Variants in CACNB2 observed in about 807,000 individuals in gnomAD.
CACNB2 encodes voltage-dependent L-type calcium channel subunit beta-2.
In CACNB2, 42 loss-of-function variants were observed where a neutral mutation model predicts 73.3. The ratio of observed to expected loss-of-function variants is 0.57; its 90% CI spans 0.45 to 0.74. The LOEUF (loss-of-function observed/expected upper bound fraction) is 0.74. CACNB2 is among the 30% of genes least tolerant of loss of function. CACNB2 has a pLI of 0.00. For missense variants in CACNB2, 940 were observed against 853.0 expected (o/e 1.10, Z -1.27); for synonymous variants, 348 against 310.3 (o/e 1.12, Z -1.28).
intron 2 of CACNB2, among the ~76,000 whole-genome samples, chr10:18,218,314 C>T (rs1391266636): frequency 6.6e-6 from 1 of 150,794 alleles, no homozygotes; most frequent in Non-Finnish European, 1.5e-5. Context: ...TTAAGTCAGA[C>T]AGACGAACTG....
rs555551884 is a variant in CACNB2, at chr10:18,473,981, C to T, written c.334-24374C>T. Among the ~76,000 whole-genome samples the T allele has an allele frequency of 1.2e-4, 18 of 152,226 alleles. 1 individual carries two copies. In the South Asian group the frequency reaches 3.1e-3, roughly 26 times the overall value. ...AGTGAGACACAAAATTGCTGGGCTT[C>T]CGTTTTTCATTTTAAAATGCGAGGG... On this transcript the variant is annotated intron_variant, in intron 3 of 13. Transcript: ENST00000324631.
chr10:18,307,638 A>G (rs2039785749), intron 2 of CACNB2, among the ~76,000 whole-genome samples: 2 of 152,196 alleles, frequency 1.3e-5, no homozygotes, highest in Non-Finnish European at 2.9e-5. Flanking sequence ...TGTCCAATAA[A>G]TATTTGTTGC....
intron 2 of CACNB2, among the ~76,000 whole-genome samples, chr10:18,334,744 AG>A (rs920614018): frequency 5.9e-5 from 9 of 152,132 alleles, no homozygotes; most frequent in African/African-American, 1.7e-4. Context: ...ATGTCCCCTG[AG>A]GGGTCAAAAT....
Position 18,539,237 on chromosome 10 carries a change from A to G in CACNB2, c.1496A>G (p.Gln499Arg), listed in dbSNP as rs1185344074. 1 of 1,613,890 alleles carries G rather than the reference A, an allele frequency of 6.2e-7. No homozygotes were observed. Among genetic ancestry groups the G allele is most frequent in the Admixed American group, 1.7e-5 (1 of 59,980 alleles). Reference protein sequence around the residue: ...PTLASNSQGSQGDQRTDRSAP... With the variant: ...PTLASNSQGSRGDQRTDRSAP... Reference sequence around the variant, plus strand: ...TGCTCCTTTCGCTGCCAGGGTTCTCAAGGTGATCAGAGGACTGATCGCTCC... The same window carrying G: ...TGCTCCTTTCGCTGCCAGGGTTCTCGAGGTGATCAGAGGACTGATCGCTCC... Residue 499 changes from glutamine to arginine, a missense_variant, in exon 14 of 14, where the codon CAA (glutamine) becomes CGA (arginine). Physicochemically the swap from Gln to Arg is conservative, Grantham distance 43 (BLOSUM62 1). Coordinates refer to ENST00000324631, the MANE Select transcript of CACNB2 (RefSeq NM_201596.3).
At chr10:18,331,808 C>T (rs185003017) in intron 2 of CACNB2, among the ~76,000 whole-genome samples, 23 of 152,314 alleles carry the variant, frequency 1.5e-4, no homozygotes, top group Admixed American at 8.5e-4. Flanking sequence ...CTTCACTGTA[C>T]TGAATGAACT....
At chr10:18,169,521 C>T (rs142661355) in intron 2 of CACNB2, among the ~76,000 whole-genome samples, 15 of 152,174 alleles carry the variant, frequency 9.9e-5, no homozygotes, top group African/African-American at 3.4e-4. Flanking sequence ...CATAATTGTA[C>T]GGGAAAAATA....
At chr10:18,157,429 C>G (rs1026495506) in intron 2 of CACNB2, among the ~76,000 whole-genome samples, 2 of 152,102 alleles carry the variant, frequency 1.3e-5, no homozygotes, top group Non-Finnish European at 2.9e-5. Context: ...TGAGTTATCA[C>G]TTGTAATTTG....
intron 2 of CACNB2, among the ~76,000 whole-genome samples, chr10:18,197,538 G>C (rs2034680258): frequency 6.6e-6 from 1 of 152,154 alleles, no homozygotes; most frequent in Admixed American, 6.5e-5. Flanking sequence ...GATGGTTATA[G>C]GATTTCAGAT....
At chr10:18,439,726 T>C (rs2046319729) in intron 3 of CACNB2, among the ~76,000 whole-genome samples, 1 of 152,176 alleles carries the variant, frequency 6.6e-6, no homozygotes, top group Non-Finnish European at 1.5e-5. Flanking sequence ...CAGCTTCTAA[T>C]AGCTTCTCTG....
At chr10:18,474,941 TCCAGGTTATC>T (rs1421460975) in intron 3 of CACNB2, among the ~76,000 whole-genome samples, 1 of 151,484 alleles carries the variant, frequency 6.6e-6, no homozygotes, top group Non-Finnish European at 1.5e-5. Context: ...GTGATGAGTC[TCCAGGTTATC>T]CTCAACTTCT....
chr10:18,165,624 T>A (rs553114891), intron 2 of CACNB2, among the ~76,000 whole-genome samples: 1 of 152,320 alleles, frequency 6.6e-6, no homozygotes, highest in African/African-American at 2.4e-5. Context: ...GTTGGCCAGG[T>A]ACAGGTAGTA....
intron 3 of CACNB2, among the ~76,000 whole-genome samples, chr10:18,464,561 C>T (rs1215835380): frequency 1.3e-5 from 2 of 152,090 alleles, no homozygotes; most frequent in South Asian, 4.1e-4. Context: ...GATTGCCCAC[C>T]TCTACCACCC....
rs748150871 is a variant in CACNB2 at position 18,401,941 on chromosome 10, C to A, written c.231C>A (p.Tyr77Ter). 6.2e-7 allele frequency: 1 copy of A among 1,614,028 alleles called. No individual in the cohort carries two copies. The highest frequency in any genetic ancestry group is 1.7e-5 in the Admixed American group (1 of 60,026). ...SFVRQGSADS[Y>*]TSRPSDSDVS... ...CTCTCCAGGGTTCGGCAGACTCCTA[C>A]ACTAGCCGTCCATCCGATTCCGATG... Residue 77 changes from tyrosine to a stop codon, truncating the protein, a stop_gained, in exon 3 of 14, where the codon TAC becomes TAA. Coordinates refer to ENST00000324631, the MANE Select transcript of CACNB2 (RefSeq NM_201596.3). LOFTEE classifies it high-confidence loss of function.
intron 2 of CACNB2, among the ~76,000 whole-genome samples, chr10:18,388,695 G>A (rs1301102519): frequency 6.6e-6 from 1 of 152,102 alleles, no homozygotes; most frequent in Non-Finnish European, 1.5e-5. Context: ...AATTATTTAA[G>A]CAATCATAGG....
At chr10:18,505,293 T>C (rs555236058) in intron 5 of CACNB2, among the ~76,000 whole-genome samples, 1 of 151,666 alleles carries the variant, frequency 6.6e-6, no homozygotes, top group Non-Finnish European at 1.5e-5. Context: ...GTCTTGGTAA[T>C]AGGTCCTTGT....
chr10:18,222,717 G>A (rs7902015), intron 2 of CACNB2, among the ~76,000 whole-genome samples: 100,904 of 151,614 alleles, frequency 0.67, 33,875 homozygotes, highest in Admixed American at 0.73. Context: ...TGAGTGGATC[G>A]TCTGAGTTCA....
chr10:18,382,297 C>CT (rs1194841941), intron 2 of CACNB2, among the ~76,000 whole-genome samples: 1 of 151,970 alleles, frequency 6.6e-6, no homozygotes, highest in Non-Finnish European at 1.5e-5. Context: ...CCAGAACTGC[C>CT]TTTTTTCTCT....
At chr10:18,512,725 G>A (rs1040495294) in intron 6 of CACNB2, among the ~76,000 whole-genome samples, 3 of 152,098 alleles carry the variant, frequency 2.0e-5, no homozygotes, top group Non-Finnish European at 4.4e-5. Context: ...TCCATGCTTT[G>A]GGATTCGGCA....
chr10:18,500,751 G>A (rs1467220177), intron 4 of CACNB2, 61 bp from the exon 5 acceptor site: 2 of 1,526,506 alleles, frequency 1.3e-6, no homozygotes, highest in South Asian at 2.2e-5. Context: ...AAAATAGTGT[G>A]GAAGAACAAG....
Sources: gnomAD v4.1 joint callset for allele counts (sites outside exome capture counted in the v4.1 genomes callset) on GRCh38, gnomAD v4.1.1 for gene constraint, MANE v1.5 for transcripts, NCBI Gene and HGNC (gene_info 2026-07-23, HGNC 2026-07-21) for gene names.